The following SLC16A4 variants were observed in gnomAD, a reference collection of about 807,000 sequenced individuals.
The protein encoded by SLC16A4 is probable monocarboxylate transporter 5.
SLC16A4 carries 39 observed loss-of-function variants against 47.9 expected under a neutral mutation model. The observed-to-expected ratio is 0.81, with a 90% confidence interval of 0.63 to 1.06. The LOEUF is 1.06. Ranked by LOEUF, SLC16A4 falls within the 50% of genes least tolerant of loss-of-function variation. The pLI, the probability that SLC16A4 is intolerant of heterozygous loss-of-function variation, is 0.00. For synonymous variants in SLC16A4, 189 were observed against 199.9 expected, an observed-to-expected ratio of 0.95 and a Z score of 0.46; for missense variants, 524 against 573.8, an observed-to-expected ratio of 0.91 and a Z score of 0.89.
chr1:110,377,210 G>A (rs1397237089), intron 6 of SLC16A4, 49 bp from the exon 7 acceptor site: 8 of 1,437,484 alleles, frequency 5.6e-6, no homozygotes, highest in Non-Finnish European at 7.8e-6. Context: ...TTTGAAAAAT[G>A]TGAATGCATA....
At chr1:110,376,844 T>C (rs1485073497) in intron 7 of SLC16A4, 106 bp downstream of exon 7, 1 of 970,244 alleles carries the variant, frequency 1.0e-6, no homozygotes, top group East Asian at 2.6e-5. Flanking sequence ...TTTGAAATGA[T>C]TTTTTAAGTT....
At chr1:110,383,816 T>C (rs1810353) in intron 2 of SLC16A4, among the ~76,000 whole-genome samples, 1 of 109,206 alleles carries the variant, frequency 9.2e-6, no homozygotes. Context: ...TTTTTTTTTT[T>C]TTTTTTTTTT....
intron 8 of SLC16A4, among the ~76,000 whole-genome samples, chr1:110,364,499 C>CTTTT (rs34416973): frequency 2.9e-4 from 30 of 104,670 alleles, no homozygotes; most frequent in African/African-American, 8.0e-4. Context: ...AATCTAAATG[C>CTTTT]TTTTTTTTTT....
rs1249074817 is a variant in SLC16A4, at chr1:110,363,522, AG to A, written c.*243del. On this transcript the variant is annotated 3_prime_UTR_variant, in exon 9 of 9. Coordinates refer to ENST00000369779, the MANE Select transcript of SLC16A4 (RefSeq NM_004696.3). ...GTGCCTGTAGTCCCAGCTACTTGGG[AG>A]GCTGAGGCAGGAGAATCCCTTGAAC... 3.0e-5 allele frequency: 7 copies of A among 231,584 alleles called. No individual in the cohort carries two copies. In the South Asian group the frequency reaches 5.2e-4, roughly 17 times the overall value. 14.3% of individuals were successfully genotyped at this position (231,584 alleles called of 1,614,324 possible).
intron 2 of SLC16A4, among the ~76,000 whole-genome samples, chr1:110,387,351 C>CT (rs948343238): frequency 1.3e-5 from 2 of 152,140 alleles, no homozygotes; most frequent in African/African-American, 4.8e-5. Flanking sequence ...ATCTCTCTCT[C>CT]TTTTTTTAAG....
chr1:110,382,671 A>G lies in SLC16A4; in HGVS notation c.220+163T>C, dbSNP rs767426108. 1.4e-5 allele frequency: 9 copies of G among 628,772 alleles called. No individual in the cohort carries two copies. In the East Asian group the frequency reaches 2.1e-4, roughly 15 times the overall value. 38.9% of individuals were successfully genotyped at this position (628,772 alleles called of 1,614,324 possible). A position where few individuals can be genotyped will look rare whatever the true frequency, so the allele number is the denominator to read the frequency against. On this transcript the variant is annotated intron_variant, in intron 3 of 8. Coordinates refer to ENST00000369779, the MANE Select transcript of SLC16A4 (RefSeq NM_004696.3). ...TTCTCCCAACTTTGTTACTAAGTCA[A>G]GTGGAAGCTAAATATTGCAATTCCT...
At chr1:110,376,826 C>G in intron 7 of SLC16A4, 124 bp downstream of exon 7, 1 of 809,180 alleles carries the variant, frequency 1.2e-6, no homozygotes, top group Non-Finnish European at 1.9e-6. Flanking sequence ...TGCAGAGTTT[C>G]TAAGGTCTTT....
chr1:110,389,328 C>A lies in SLC16A4; in HGVS notation c.-5G>T. 1.2e-6 allele frequency: 2 copies of A among 1,602,618 alleles called. No individual in the cohort carries two copies. The highest frequency in any genetic ancestry group is 1.7e-6 in the Non-Finnish European group (2 of 1,169,580). Reference sequence around the variant, plus strand: ...CTTCCCCTCCCTCTTCAGCATGATGCCTCTTCTATTTTAAATGCAGAAGAT... The same window carrying A: ...CTTCCCCTCCCTCTTCAGCATGATGACTCTTCTATTTTAAATGCAGAAGAT... On this transcript the variant is annotated 5_prime_UTR_variant, in exon 2 of 9. Coordinates refer to ENST00000369779, the MANE Select transcript of SLC16A4 (RefSeq NM_004696.3).
chr1:110,366,130 ACACT>A (rs1339688550), intron 8 of SLC16A4, among the ~76,000 whole-genome samples: 1 of 138,472 alleles, frequency 7.2e-6, no homozygotes, highest in Non-Finnish European at 1.6e-5. Flanking sequence ...ACACACACAC[ACACT>A]CTTTCTCTCT....
chr1:110,389,353 T>G lies in SLC16A4; in HGVS notation c.-30A>C, dbSNP rs1295516695. 6.6e-7 allele frequency: 1 copy of G among 1,504,350 alleles called. No homozygotes were observed. The highest frequency in any genetic ancestry group is 9.3e-7 in the Non-Finnish European group (1 of 1,080,088). 93.2% of individuals were successfully genotyped at this position (1,504,350 alleles called of 1,614,324 possible). On this transcript the variant is annotated splice_region_variant and 5_prime_UTR_variant, in exon 2 of 9. Transcript: ENST00000369779. ...CCTCTTCTATTTTAAATGCAGAAGA[T>G]CCCTGTGATAAATCCAAGACAGTTG... is the stretch of plus-strand genomic sequence containing the variant.
intron 3 of SLC16A4, among the ~76,000 whole-genome samples, chr1:110,382,332 G>C (rs531739439): frequency 1.3e-5 from 2 of 152,048 alleles, no homozygotes; most frequent in Admixed American, 6.6e-5. Flanking sequence ...GGTGGCGGGC[G>C]CCTGTAATCC....
intron 8 of SLC16A4, among the ~76,000 whole-genome samples, chr1:110,369,865 A>T (rs1661597643): frequency 6.6e-6 from 1 of 152,172 alleles, no homozygotes; most frequent in South Asian, 2.1e-4. Flanking sequence ...TGATCGGAAA[A>T]ATCTTGGGAA....
At chr1:110,383,258 C>T (rs111999851) in intron 2 of SLC16A4, among the ~76,000 whole-genome samples, 22 of 152,348 alleles carry the variant, frequency 1.4e-4, no homozygotes, top group African/African-American at 4.3e-4. Flanking sequence ...GTGGGTTCAT[C>T]TTGCCTGCTG....
At chr1:110,365,920 A>G (rs1173838496) in intron 8 of SLC16A4, among the ~76,000 whole-genome samples, 3 of 152,158 alleles carry the variant, frequency 2.0e-5, no homozygotes, top group African/African-American at 4.8e-5. Flanking sequence ...GATTGAAGAG[A>G]AAAACTGTTT....
intron 8 of SLC16A4, chr1:110,370,638 T>C (rs1226506126): frequency 6.6e-6 from 1 of 152,232 alleles, no homozygotes; most frequent in Non-Finnish European, 1.5e-5. Context: ...CACTCCATGG[T>C]ATTTCTGATG....
At chr1:110,381,906 G>T in intron 3 of SLC16A4, 111 bp from the exon 4 acceptor site, 1 of 991,348 alleles carries the variant, frequency 1.0e-6, no homozygotes. Flanking sequence ...TGTTTACTTT[G>T]AAGTATTACG....
At chr1:110,374,889 G>T (rs1223400570) in intron 8 of SLC16A4, 1 of 152,202 alleles carries the variant, frequency 6.6e-6, no homozygotes, top group Non-Finnish European at 1.5e-5. Flanking sequence ...CATCCATATG[G>T]CACATCAGAA....
intron 8 of SLC16A4, among the ~76,000 whole-genome samples, chr1:110,366,538 GTATC>G (rs1057069131): frequency 7.2e-5 from 11 of 152,152 alleles, no homozygotes; most frequent in Admixed American, 2.6e-4. Context: ...CATTTTTACT[GTATC>G]TATGTTTAGA....
intron 8 of SLC16A4, among the ~76,000 whole-genome samples, chr1:110,366,719 C>A (rs942231577): frequency 2.0e-5 from 3 of 152,140 alleles, no homozygotes; most frequent in African/African-American, 7.2e-5. Flanking sequence ...ACAATGAAAT[C>A]ATCTAACACA....
Sources: gnomAD v4.1 joint callset for allele counts (sites outside exome capture counted in the v4.1 genomes callset) on GRCh38, gnomAD v4.1.1 for gene constraint, MANE v1.5 for transcripts, NCBI Gene and HGNC (gene_info 2026-07-23, HGNC 2026-07-21) for gene names.